Variants in FOCAD observed in about 807,000 individuals in gnomAD.
FOCAD encodes focadhesin.
A neutral mutation model predicts 225.6 loss-of-function variants in FOCAD; 198 were observed. The observed-to-expected ratio is 0.88, with a 90% CI of 0.78 to 0.99. The LOEUF is 0.99. FOCAD is among the 50% of genes least tolerant of loss of function. FOCAD has a pLI of 0.00. For missense variants in FOCAD, 2,713 were observed against 2,123.6 expected (o/e 1.28, Z -5.46); for synonymous variants, 897 against 755.0 (o/e 1.19, Z -3.08).
Position 20,866,917 on chromosome 9 carries a change from T to TTTTTTTAAC in FOCAD, c.2107-12_2107-11insTTTTTTAAC. On this transcript the variant is annotated splice_polypyrimidine_tract_variant and intron_variant, in intron 17 of 43. Coordinates refer to ENST00000338382, the MANE Select transcript of FOCAD (RefSeq NM_001375567.1). ...TTTTTTTTTTTTTTTTTTTTTTTTT[T>TTTTTTTAAC]ACCCTATCTAGGACCCAATTGTAGC... 2.6e-6 allele frequency: 2 copies of TTTTTTTAAC among 764,968 alleles called. No individual in the cohort carries two copies. The highest frequency in any genetic ancestry group is 4.0e-6 in the Non-Finnish European group (2 of 498,464). The allele number at this position is 764,968 out of a possible 1,614,324, so 47.4% of individuals were successfully genotyped here. A position where few individuals can be genotyped will look rare whatever the true frequency, so the allele number is the denominator to read the frequency against.
In FOCAD at chr9:20,719,834, C is replaced by T. The variant is rs550116868; in HGVS notation, c.133-546C>T. Among the ~76,000 whole-genome samples the T allele has an allele frequency of 5.6e-3, 722 of 128,202 alleles. 5 individuals are homozygous for T. The highest frequency in any genetic ancestry group is 0.029 in the Middle Eastern group (5 of 170). 84.1% of individuals were successfully genotyped at this position (128,202 alleles called of 152,430 possible). ...CATGGACTGAGCAGCTTGCTGGTGG[C>T]CTGTCCTACTTCTCTCTTTATATCT... On this transcript the variant is annotated intron_variant, in intron 3 of 43. Coordinates refer to ENST00000338382, the MANE Select transcript of FOCAD (RefSeq NM_001375567.1).
intron 33 of FOCAD, among the ~76,000 whole-genome samples, chr9:20,950,523 G>GA (rs1032560718): frequency 3.3e-5 from 5 of 152,066 alleles, no homozygotes; most frequent in East Asian, 1.9e-4. Flanking sequence ...TAATGTGGGA[G>GA]AAAAAATCTG....
chr9:20,769,112 A>G (rs1433003145), intron 7 of FOCAD, among the ~76,000 whole-genome samples: 1 of 152,176 alleles, frequency 6.6e-6, no homozygotes, highest in African/African-American at 2.4e-5. Context: ...AGAGAGCAAA[A>G]TAATTTATAC....
intron 11 of FOCAD, among the ~76,000 whole-genome samples, chr9:20,814,538 G>A (rs1823451808): frequency 6.6e-6 from 1 of 151,740 alleles, no homozygotes; most frequent in Non-Finnish European, 1.5e-5. Flanking sequence ...TGTGTTTTTA[G>A]TAGAGATGGG....
chr9:20,884,642 T>G (rs1305885934), intron 20 of FOCAD, among the ~76,000 whole-genome samples: 1 of 152,206 alleles, frequency 6.6e-6, no homozygotes, highest in African/African-American at 2.4e-5. Context: ...TGTGTTTTTT[T>G]ATTCCTTATA....
At chr9:20,845,559 T>A (rs1355351817) in intron 15 of FOCAD, among the ~76,000 whole-genome samples, 1 of 151,544 alleles carries the variant, frequency 6.6e-6, no homozygotes, top group East Asian at 1.9e-4. Flanking sequence ...AATTTTTTAC[T>A]GTCATCTACA....
chr9:20,923,478 C>T (rs1834643327), intron 24 of FOCAD, among the ~76,000 whole-genome samples, 182 bp from the exon 25 acceptor site: 1 of 152,132 alleles, frequency 6.6e-6, no homozygotes, highest in Non-Finnish European at 1.5e-5. Flanking sequence ...TCAGAAACAG[C>T]TCTAGAGTCA....
chr9:20,798,003 C>T (rs201860128), intron 11 of FOCAD, among the ~76,000 whole-genome samples: 60 of 152,002 alleles, frequency 3.9e-4, no homozygotes, highest in Non-Finnish European at 8.5e-4. Context: ...TAGCTCTTAT[C>T]ATTTTTAGAT....
chr9:20,772,703 G>A (rs147104739), intron 8 of FOCAD, among the ~76,000 whole-genome samples: 1 of 152,158 alleles, frequency 6.6e-6, no homozygotes, highest in Non-Finnish European at 1.5e-5. Context: ...TGGAATTAAG[G>A]GAGTGTGAAT....
At chr9:20,922,348 G>GA (rs398040357) in intron 24 of FOCAD, among the ~76,000 whole-genome samples, 1 of 151,576 alleles carries the variant, frequency 6.6e-6, no homozygotes, top group Non-Finnish European at 1.5e-5. Flanking sequence ...AGGTGGGGGG[G>GA]TGGTGGTGAA....
At chr9:20,755,987 C>G (rs1829009945) in intron 5 of FOCAD, among the ~76,000 whole-genome samples, 1 of 152,014 alleles carries the variant, frequency 6.6e-6, no homozygotes, top group East Asian at 1.9e-4. Flanking sequence ...TGAACACGAC[C>G]TGCTGAACTT....
chr9:20,801,407 C>G (rs184721462), intron 11 of FOCAD, among the ~76,000 whole-genome samples: 1 of 152,212 alleles, frequency 6.6e-6, no homozygotes, highest in Admixed American at 6.5e-5. Context: ...GTCTCGAAAC[C>G]ATGATCTCAA....
intron 15 of FOCAD, among the ~76,000 whole-genome samples, chr9:20,850,123 C>T (rs889714115): frequency 2.0e-5 from 3 of 151,394 alleles, no homozygotes; most frequent in Non-Finnish European, 4.4e-5. Context: ...TTTAAAAAAA[C>T]TCTTAGTCTT....
intron 15 of FOCAD, among the ~76,000 whole-genome samples, chr9:20,828,367 G>A (rs937330462): frequency 6.6e-6 from 1 of 151,876 alleles, no homozygotes; most frequent in Non-Finnish European, 1.5e-5. Context: ...TCTATTTTTG[G>A]CTATTTTGAA....
chr9:20,782,551 T>G (rs1184847387), intron 10 of FOCAD, among the ~76,000 whole-genome samples: 2 of 152,218 alleles, frequency 1.3e-5, no homozygotes, highest in African/African-American at 4.8e-5. Context: ...AGTGTTGTCA[T>G]GGTTTGGATA....
intron 5 of FOCAD, among the ~76,000 whole-genome samples, chr9:20,746,787 C>G (rs904976480): frequency 6.6e-6 from 1 of 152,130 alleles, no homozygotes; most frequent in Non-Finnish European, 1.5e-5. Context: ...TGCCGCCTTA[C>G]TTTTTAATGT....
rs1830092303 is a variant in FOCAD at position 20,874,772 on chromosome 9, A to G, written c.2282A>G (p.Lys761Arg). The change falls in exon 19 of 44, where the codon AAA becomes AGA. Residue 761 changes from lysine (K) to arginine (R), a missense_variant. Coordinates refer to ENST00000338382, the MANE Select transcript of FOCAD (RefSeq NM_001375567.1). ...TCAGTTCCTGGCTCTTGCTATCTCA[A>G]ACTGTTGTCACTCACTCCCCCTTTG... is the stretch of plus-strand genomic sequence containing the variant. ...DLSVPGSCYL[K>R]LLSLTPPLVL... is the part of the protein sequence containing the mutation. 1.9e-6 allele frequency: 3 copies of G among 1,613,614 alleles called. No homozygotes were observed. The highest frequency in any genetic ancestry group is 2.5e-6 in the Non-Finnish European group (3 of 1,179,712).
intron 15 of FOCAD, among the ~76,000 whole-genome samples, chr9:20,835,672 A>G (rs895178710): frequency 5.9e-5 from 9 of 152,138 alleles, no homozygotes; most frequent in Non-Finnish European, 1.2e-4. Context: ...TAAAATCAAT[A>G]CATTGTTCTG....
chr9:20,724,227 AT>A (rs933576663), intron 4 of FOCAD, among the ~76,000 whole-genome samples: 5 of 151,854 alleles, frequency 3.3e-5, no homozygotes, highest in Admixed American at 6.6e-5. Context: ...ACAGCTTTCT[AT>A]TTTTTTTCTA....
Sources: allele counts gnomAD v4.1 joint callset (sites outside exome capture counted in the v4.1 genomes callset), GRCh38; gene constraint gnomAD v4.1.1; transcripts MANE v1.5; gene names NCBI Gene and HGNC (gene_info 2026-07-23, HGNC 2026-07-21).